The following STK11 variants were observed in gnomAD, a reference collection of about 807,000 sequenced individuals.
STK11 encodes the protein serine/threonine-protein kinase STK11.
In STK11, 8 loss-of-function variants were observed where a neutral mutation model predicts 47.3. The observed-to-expected ratio is 0.17, with a 90% CI of 0.10 to 0.31. STK11 has a LOEUF of 0.31. Ranked by LOEUF, STK11 falls within the 10% of genes least tolerant of loss-of-function variation. The pLI is 1.00. For synonymous variants in STK11, 330 were observed against 255.8 expected, an observed-to-expected ratio of 1.29 and a Z score of -2.77; for missense variants, 475 against 605.0, an observed-to-expected ratio of 0.79 and a Z score of 2.25.
At chr19:1,212,386 G>A (rs1351524205) in intron 1 of STK11, among the ~76,000 whole-genome samples, 1 of 143,924 alleles carries the variant, frequency 6.9e-6, no homozygotes, top group African/African-American at 2.6e-5. Flanking sequence ...CTGCCCCCAA[G>A]GTAGCTGGGA....
chr19:1,211,515 A>T (rs934734949), intron 1 of STK11, among the ~76,000 whole-genome samples: 3 of 151,708 alleles, frequency 2.0e-5, no homozygotes, highest in Non-Finnish European at 4.4e-5. Flanking sequence ...TTTCCACCCC[A>T]GTGAGAGTGG....
In STK11 at chr19:1,207,138, G is replaced by A. The variant is rs786203886; in HGVS notation, c.225G>A (p.Arg75=). Residue 75 remains arginine (R), a synonymous_variant, in exon 1 of 10, where the codon AGG becomes AGA. Coordinates refer to ENST00000326873, the MANE Select transcript of STK11 (RefSeq NM_000455.5). ...EVLDSETLCR[R]AVKILKKKKL... Reference sequence around the variant, plus strand: ...TGGACTCGGAGACGCTGTGCAGGAGGGCCGTCAAGATCCTCAAGAAGAAGA... The same window carrying A: ...TGGACTCGGAGACGCTGTGCAGGAGAGCCGTCAAGATCCTCAAGAAGAAGA... 8 of 1,613,368 alleles carry A rather than the reference G, an allele frequency of 5.0e-6. No individual in the cohort carries two copies. The highest frequency in any genetic ancestry group is 1.7e-5 in the Admixed American group (1 of 59,872).
rs910245202 is a variant in STK11, at chr19:1,223,686, A to G, written c.1108+514A>G. On this transcript the variant is annotated intron_variant, in intron 8 of 9. Transcript: ENST00000326873. ...GGGCTTAGAGCGGAGCGCGGCTTGC[A>G]GAAGAGCGAGGGCTCAGACCTTTCA... The G allele has an allele frequency of 5.0e-5, 52 of 1,045,046 alleles. No homozygotes were observed. In the African/African-American group the frequency reaches 8.0e-4, roughly 16 times the overall value. The allele number at this position is 1,045,046 out of a possible 1,614,324, so 64.7% of individuals were successfully genotyped here.
intron 6 of STK11, 64 bp from the exon 7 acceptor site, chr19:1,221,885 G>C (rs2145428361): frequency 6.5e-7 from 1 of 1,536,198 alleles, no homozygotes; most frequent in Non-Finnish European, 8.8e-7. Flanking sequence ...TGGGCAGGCG[G>C]GGACGGTTGG....
chr19:1,221,655 C>T, intron 6 of STK11: 2 of 587,176 alleles, frequency 3.4e-6, no homozygotes, highest in Non-Finnish European at 6.0e-6. Context: ...ACTTCCTACG[C>T]ATGGCAGCAG....
intron 8 of STK11, chr19:1,223,580 T>C (rs557611309): frequency 1.9e-6 from 2 of 1,080,834 alleles, no homozygotes; most frequent in East Asian, 5.2e-5. Context: ...TGGCCCTCCC[T>C]CCCGTCGTCC....
intron 1 of STK11, among the ~76,000 whole-genome samples, chr19:1,208,438 G>A (rs1252550501): frequency 6.6e-6 from 1 of 150,994 alleles, no homozygotes; most frequent in South Asian, 2.1e-4. Flanking sequence ...CTCCCGAGTA[G>A]CTGGGACTAC....
intron 1 of STK11, among the ~76,000 whole-genome samples, chr19:1,211,705 G>A (rs1377315510): frequency 1.3e-5 from 2 of 152,240 alleles, no homozygotes; most frequent in African/African-American, 4.8e-5. Flanking sequence ...GAAAATCACT[G>A]CTGCCGTAGG....
Position 1,221,199 on chromosome 19 carries a change from C to T in STK11, c.735-14C>T, listed in dbSNP as rs375598147. 1.9e-6 allele frequency: 3 copies of T among 1,611,402 alleles called. No homozygotes were observed. The highest frequency in any genetic ancestry group is 3.3e-5 in the Admixed American group (2 of 59,950). ...TGACTGACCACGCCTTTCTTCCCTC[C>T]CCTCGAAATGAAGCTACAACATCAC... On this transcript the variant is annotated splice_polypyrimidine_tract_variant and intron_variant, in intron 5 of 9. Transcript: ENST00000326873.
intron 8 of STK11, 137 bp from the exon 9 acceptor site, chr19:1,226,317 C>T (rs1418573308): frequency 2.0e-5 from 29 of 1,483,162 alleles, no homozygotes; most frequent in Admixed American, 2.3e-5. Context: ...AGGCTGGATA[C>T]ACCTGGGCCT....
At chr19:1,224,484 G>A in intron 8 of STK11, 10 of 985,474 alleles carry the variant, frequency 1.0e-5, no homozygotes, top group Non-Finnish European at 1.2e-5. Flanking sequence ...CTGGTGCCCT[G>A]AGACGGGCAG....
intron 3 of STK11, 54 bp from the exon 4 acceptor site, chr19:1,220,319 C>T (rs2145423864): frequency 1.3e-6 from 2 of 1,561,644 alleles, no homozygotes; most frequent in Admixed American, 1.9e-5. Flanking sequence ...CAAAGGGGAC[C>T]CCTGTGAGGG....
chr19:1,222,866 C>A, intron 7 of STK11, 119 bp from the exon 8 acceptor site: 1 of 1,217,312 alleles, frequency 8.2e-7, no homozygotes, highest in Non-Finnish European at 1.1e-6. Flanking sequence ...ACCCCTTGCA[C>A]GGCCTGGTCC....
At chr19:1,209,863 A>T (rs894723507) in intron 1 of STK11, among the ~76,000 whole-genome samples, 3 of 152,128 alleles carry the variant, frequency 2.0e-5, no homozygotes, top group African/African-American at 7.2e-5. Flanking sequence ...GGGAGGGAAC[A>T]CGGAGGCAGG....
At chr19:1,223,916 A>AG (rs1223604638) in intron 8 of STK11, 21 of 1,013,398 alleles carry the variant, frequency 2.1e-5, no homozygotes, top group Non-Finnish European at 2.5e-5. Flanking sequence ...CTGGAGCCTG[A>AG]GGGGGCTTTC....
At chr19:1,222,811 C>T (rs1340010797) in intron 7 of STK11, among the ~76,000 whole-genome samples, 174 bp from the exon 8 acceptor site, 1 of 152,318 alleles carries the variant, frequency 6.6e-6, no homozygotes, top group East Asian at 1.9e-4. Flanking sequence ...TCAGGTCAGC[C>T]TGCCTGCTCC....
At chr19:1,224,388 G>A (rs1445553377) in intron 8 of STK11, 1 of 985,318 alleles carries the variant, frequency 1.0e-6, no homozygotes, top group Non-Finnish European at 1.2e-6. Flanking sequence ...AGGGTGTGCT[G>A]GGAGGTGGGG....
At chr19:1,208,240 G>GC (rs1599916418) in intron 1 of STK11, among the ~76,000 whole-genome samples, 2 of 151,992 alleles carry the variant, frequency 1.3e-5, no homozygotes, top group East Asian at 3.9e-4. Flanking sequence ...CTGCTCAGGG[G>GC]CCCTGGGGCT....
chr19:1,211,557 G>A (rs906157038), intron 1 of STK11, among the ~76,000 whole-genome samples: 4 of 152,212 alleles, frequency 2.6e-5, no homozygotes, highest in African/African-American at 9.6e-5. Context: ...CCGCCTTGTG[G>A]AGCCTCCGCA....
Sources: allele counts gnomAD v4.1 joint callset (sites outside exome capture counted in the v4.1 genomes callset), GRCh38; gene constraint gnomAD v4.1.1; transcripts MANE v1.5; gene names NCBI Gene and HGNC (gene_info 2026-07-23, HGNC 2026-07-21).